Variants in SGSM2 observed in about 807,000 individuals in gnomAD.
SGSM2 encodes the protein RUN and TBC1 domain containing 1.
A neutral mutation model predicts 126.6 loss-of-function variants in SGSM2; 89 were observed. That is an observed-to-expected ratio of 0.70 (90% CI 0.59 to 0.84). The LOEUF is 0.84. SGSM2 is among the 40% of genes least tolerant of loss of function. The probability of loss-of-function intolerance (pLI) is 0.00; values close to 1 mark genes in which losing one functional copy is unlikely to be tolerated. For synonymous variants in SGSM2, 614 were observed against 574.3 expected, an observed-to-expected ratio of 1.07 and a Z score of -0.99; for missense variants, 1,404 against 1,416.6, an observed-to-expected ratio of 0.99 and a Z score of 0.14.
At position 2,372,940 on chromosome 17, in the gene SGSM2, C is replaced by A; in HGVS notation, c.1789-13C>A. 6.4e-7 allele frequency: 1 copy of A among 1,556,276 alleles called. No homozygotes were observed. Among genetic ancestry groups the A allele is most frequent in the South Asian group, 1.2e-5 (1 of 84,518 alleles). On this transcript the variant is annotated splice_polypyrimidine_tract_variant and intron_variant, in intron 15 of 23. Coordinates refer to ENST00000268989, the MANE Select transcript of SGSM2 (RefSeq NM_014853.3). The surrounding 1 kb of genome is among the most constrained non-coding windows in gnomAD (Gnocchi z 6.0). ...GTGGAGGCTGCACAGTCTTGACTCC[C>A]CGGGTCCCTCAGAACTACAAAGAGC...
chr17:2,352,521 G>A (rs1220629569), intron 2 of SGSM2, among the ~76,000 whole-genome samples: 1 of 152,116 alleles, frequency 6.6e-6, no homozygotes. Flanking sequence ...AGCATCTCAG[G>A]CCCAGTTTCA....
At chr17:2,373,606 C>G in intron 17 of SGSM2, 93 bp downstream of exon 17, 1 of 1,209,654 alleles carries the variant, frequency 8.3e-7, no homozygotes, top group South Asian at 1.4e-5. Context: ...CCTCTGGGAA[C>G]TGGTGGGGCC....
Position 2,380,136 on chromosome 17 carries a change from A to G in SGSM2, c.*616A>G, listed in dbSNP as rs752070388. On this transcript the variant is annotated 3_prime_UTR_variant, in exon 24 of 24. Coordinates refer to ENST00000268989, the MANE Select transcript of SGSM2 (RefSeq NM_014853.3). ...TGTGGGCCCTGGGTGGGAGCAGCCC[A>G]CTTCAGCAGCACTGCCACTGCCTTT... The G allele has an allele frequency of 1.3e-4, 189 of 1,434,078 alleles. No individual in the cohort carries two copies. The highest frequency in any genetic ancestry group is 5.6e-4 in the Admixed American group (22 of 39,084). The allele number at this position is 1,434,078 out of a possible 1,614,324, so 88.8% of individuals were successfully genotyped here.
chr17:2,376,618 G>A (rs1209551406), intron 19 of SGSM2, 115 bp from the exon 20 acceptor site: 7 of 1,120,564 alleles, frequency 6.2e-6, no homozygotes, highest in Non-Finnish European at 9.3e-6. Context: ...CATGCCTTAG[G>A]GTCGTGGAAA....
intron 2 of SGSM2, among the ~76,000 whole-genome samples, chr17:2,351,198 A>G (rs1002531736): frequency 1.3e-5 from 2 of 151,980 alleles, no homozygotes; most frequent in Non-Finnish European, 2.9e-5. Flanking sequence ...GATTGCAGTA[A>G]GCCAAGATCA....
Position 2,371,414 on chromosome 17 carries a change from C to G in SGSM2, c.1576C>G (p.Arg526Gly). Reference protein sequence around the residue: ...TPSHCSCIPDRLPLRLLCESM... With the variant: ...TPSHCSCIPDGLPLRLLCESM... ...CAGCCACTGTAGCTGCATCCCCGAC[C>G]GGTGAGTGGGCAGCGCTCGGCCCCA... The change falls in exon 13 of 24, where the codon CGG becomes GGG. Residue 526 changes from arginine to glycine, a missense_variant and splice_region_variant. Physicochemically the swap from Arg to Gly is moderately radical, Grantham distance 125. Coordinates refer to ENST00000268989, the MANE Select transcript of SGSM2 (RefSeq NM_014853.3). 1 of 1,594,072 alleles carries G rather than the reference C, an allele frequency of 6.3e-7. No homozygotes were observed. Among genetic ancestry groups the G allele is most frequent in the Non-Finnish European group, 8.6e-7 (1 of 1,169,366 alleles).
Position 2,363,406 on chromosome 17 carries a change from T to A in SGSM2, c.673-59T>A. On this transcript the variant is annotated intron_variant, in intron 6 of 23. Coordinates refer to ENST00000268989, the MANE Select transcript of SGSM2 (RefSeq NM_014853.3). This position sits in a 1 kb window ranked among gnomAD's most constrained non-coding sequence, Gnocchi z 4.2. Reference sequence around the variant, plus strand: ...AGGGTCAGCATGGAAGCGTGAGGGTTCCCAAGCCTTGAGGCCAGTTTCCCA... The same window carrying A: ...AGGGTCAGCATGGAAGCGTGAGGGTACCCAAGCCTTGAGGCCAGTTTCCCA... 1 of 1,605,436 alleles carries A rather than the reference T, an allele frequency of 6.2e-7. No homozygotes were observed. Among genetic ancestry groups the A allele is most frequent in the South Asian group, 1.1e-5 (1 of 90,794 alleles).
intron 19 of SGSM2, 112 bp from the exon 20 acceptor site, chr17:2,376,621 C>T: frequency 7.0e-6 from 8 of 1,150,720 alleles, no homozygotes; most frequent in African/African-American, 1.5e-5. Context: ...GCCTTAGGGT[C>T]GTGGAAAGGC....
intron 2 of SGSM2, among the ~76,000 whole-genome samples, chr17:2,348,807 C>A (rs2447111): frequency 0.72 from 108,861 of 151,924 alleles, 39,210 homozygotes; most frequent in South Asian, 0.83. Context: ...TCTGTCTCCC[C>A]GCTGGAGTGC....
chr17:2,358,434 G>A (rs1348443445), intron 2 of SGSM2, among the ~76,000 whole-genome samples: 1 of 152,206 alleles, frequency 6.6e-6, no homozygotes, highest in Non-Finnish European at 1.5e-5. Context: ...TCAGAGCCAG[G>A]CTCAGTGGCT....
rs377312683 is a variant in SGSM2, at chr17:2,362,485, C to T, written c.458+215C>T. On this transcript the variant is annotated intron_variant, in intron 4 of 23. Transcript: ENST00000268989. This position sits in a 1 kb window ranked among gnomAD's most constrained non-coding sequence, Gnocchi z 4.9. Reference sequence around the variant, plus strand: ...CCCCAAAAACTGCAGGTGACCGCCCCGTTCCCCAAAAACTGCAGGTGACCG... The same window carrying T: ...CCCCAAAAACTGCAGGTGACCGCCCTGTTCCCCAAAAACTGCAGGTGACCG... Among the ~76,000 whole-genome samples, 1 of 150,398 alleles carries T rather than the reference C, an allele frequency of 6.6e-6. No individual in the cohort carries two copies. Among genetic ancestry groups the T allele is most frequent in the African/African-American group, 2.4e-5 (1 of 40,846 alleles).
intron 2 of SGSM2, among the ~76,000 whole-genome samples, chr17:2,353,437 T>A (rs1567811412): frequency 6.6e-6 from 1 of 152,156 alleles, no homozygotes; most frequent in Non-Finnish European, 1.5e-5. Flanking sequence ...CATAATATAT[T>A]TAACTGGTTC....
chr17:2,369,160 GC>G (rs1381932467), intron 12 of SGSM2, among the ~76,000 whole-genome samples: 1 of 152,128 alleles, frequency 6.6e-6, no homozygotes, highest in Non-Finnish European at 1.5e-5. Context: ...GGGAATGGGG[GC>G]CCCCCACCTC....
In SGSM2 at chr17:2,372,918, G is replaced by C; in HGVS notation, c.1789-35G>C. The C allele has an allele frequency of 6.5e-7, 1 of 1,550,276 alleles. No individual in the cohort carries two copies. The highest frequency in any genetic ancestry group is 2.4e-5 in the East Asian group (1 of 40,974). On this transcript the variant is annotated intron_variant, in intron 15 of 23. Coordinates refer to ENST00000268989, the MANE Select transcript of SGSM2 (RefSeq NM_014853.3). The surrounding 1 kb of genome is among the most constrained non-coding windows in gnomAD (Gnocchi z 6.0). ...ACCCAGCTGGGCCACGGTGACTGTG[G>C]AGGCTGCACAGTCTTGACTCCCCGG...
At chr17:2,347,883 G>A (rs1368058442) in intron 2 of SGSM2, among the ~76,000 whole-genome samples, 1 of 152,150 alleles carries the variant, frequency 6.6e-6, no homozygotes, top group East Asian at 1.9e-4. Context: ...GCCAGGCAGA[G>A]CAGGTTCTCA....
intron 3 of SGSM2, 112 bp downstream of exon 3, chr17:2,361,911 G>T (rs945273372): frequency 7.2e-7 from 1 of 1,394,346 alleles, no homozygotes; most frequent in African/African-American, 1.4e-5. Flanking sequence ...TTCCTTGCAG[G>T]GCCTCTGGGT....
At position 2,353,650 on chromosome 17, in the gene SGSM2, A is replaced by C. The variant is rs576385795; in HGVS notation, c.134-7987A>C. ...CATGGTAGTGCACGCCTGCAGTCCC[A>C]GCTACTCAGCAGGCTGAGGTAGGAG... On this transcript the variant is annotated intron_variant, in intron 2 of 23. Coordinates refer to ENST00000268989, the MANE Select transcript of SGSM2 (RefSeq NM_014853.3). Among the ~76,000 whole-genome samples, 543 of 152,168 alleles carry C rather than the reference A, an allele frequency of 3.6e-3. 2 individuals are homozygous for C. The highest frequency in any genetic ancestry group is 0.012 in the African/African-American group (506 of 41,524).
In SGSM2 at chr17:2,364,877, C is replaced by T. The variant is rs200651786; in HGVS notation, c.1001-20C>T. ...AGCCGACGAGAGGGCCTCAGCCGCACTCTCCACGTTCACCCCCAGAGAGCG... is the reference window on the plus strand; with the variant it reads ...AGCCGACGAGAGGGCCTCAGCCGCATTCTCCACGTTCACCCCCAGAGAGCG... On this transcript the variant is annotated intron_variant, in intron 9 of 23. Transcript: ENST00000268989. 1.2e-6 allele frequency: 2 copies of T among 1,604,988 alleles called. No homozygotes were observed. Among genetic ancestry groups the T allele is most frequent in the South Asian group, 1.1e-5 (1 of 91,038 alleles).
intron 2 of SGSM2, among the ~76,000 whole-genome samples, chr17:2,352,012 T>C (rs961672402): frequency 2.6e-5 from 4 of 152,088 alleles, no homozygotes; most frequent in African/African-American, 9.7e-5. Context: ...TGGGTGGAAA[T>C]AGCCAGGGAG....
Sources: allele counts gnomAD v4.1 joint callset (sites outside exome capture counted in the v4.1 genomes callset), GRCh38; gene constraint gnomAD v4.1.1; non-coding constraint Gnocchi (gnomAD v3.1); transcripts MANE v1.5; gene names NCBI Gene and HGNC (gene_info 2026-07-23, HGNC 2026-07-21).